Variants in SRFBP1 observed in about 807,000 individuals in gnomAD.
The protein encoded by SRFBP1 is serum response factor-binding protein 1.
A neutral mutation model predicts 45.5 loss-of-function variants in SRFBP1; 47 were observed. The observed-to-expected ratio is 1.03, with a 90% CI of 0.82 to 1.32. The LOEUF (loss-of-function observed/expected upper bound fraction) is 1.32, where lower values mean the gene tolerates loss of function less well. Among genes scored for constraint, SRFBP1 ranks in the 40% most tolerant of loss-of-function variants. SRFBP1 has a pLI of 0.00. For missense variants in SRFBP1, 621 were observed against 484.6 expected (o/e 1.28, Z -2.64); for synonymous variants, 203 against 166.3 (o/e 1.22, Z -1.70).
At chr5:121,966,460 A>G (rs975526136) in intron 1 of SRFBP1, among the ~76,000 whole-genome samples, 1 of 152,216 alleles carries the variant, frequency 6.6e-6, no homozygotes, top group Non-Finnish European at 1.5e-5. Flanking sequence ...TAATGGGCAG[A>G]TGAAAGCATG....
At chr5:122,046,753 A>T (rs916565938) in intron 2 of SRFBP1, among the ~76,000 whole-genome samples, 1 of 152,152 alleles carries the variant, frequency 6.6e-6, no homozygotes, top group Non-Finnish European at 1.5e-5. Flanking sequence ...CTGGCGTGAG[A>T]TGGTATCTCA....
At chr5:122,031,991 A>C (rs918131906), downstream of SRFBP1, among the ~76,000 whole-genome samples, 1 of 152,228 alleles carries the variant, frequency 6.6e-6, no homozygotes, top group African/African-American at 2.4e-5. Flanking sequence ...TAGTGAGTGC[A>C]TGCTAATGAG....
intron 3 of SRFBP1, among the ~76,000 whole-genome samples, chr5:121,984,407 T>G (rs1351749836): frequency 6.6e-6 from 1 of 151,774 alleles, no homozygotes; most frequent in African/African-American, 2.4e-5. Context: ...TCTTTCCTTT[T>G]GTTACTATGA....
chr5:122,024,039 T>C (rs562117095), intron 7 of SRFBP1, among the ~76,000 whole-genome samples: 1 of 152,214 alleles, frequency 6.6e-6, no homozygotes, highest in African/African-American at 2.4e-5. Flanking sequence ...TGGGCAACTT[T>C]TCTTAGACTT....
At chr5:121,963,844 A>G (rs1752003948) in intron 1 of SRFBP1, among the ~76,000 whole-genome samples, 1 of 152,120 alleles carries the variant, frequency 6.6e-6, no homozygotes, top group Non-Finnish European at 1.5e-5. Context: ...GGATATTATA[A>G]TTTAAAATTA....
rs961889524 is a variant in SRFBP1, at chr5:122,001,706, C to T, written c.270+7036C>T. Among the ~76,000 whole-genome samples the T allele has an allele frequency of 1.4e-3, 208 of 151,960 alleles. 1 individual carries two copies. Among genetic ancestry groups the T allele is most frequent in the African/African-American group, 4.2e-3 (174 of 41,480 alleles). ...CCTCCCGAGTAGCTGGGACTACAGG[C>T]GCCCGCCACCGTGCCCGGCTAATTT... On this transcript the variant is annotated intron_variant, in intron 4 of 7. Coordinates refer to ENST00000339397, the MANE Select transcript of SRFBP1 (RefSeq NM_152546.3).
At chr5:122,058,548 G>GTT (rs1320760094) in intron 2 of SRFBP1, among the ~76,000 whole-genome samples, 1 of 151,254 alleles carries the variant, frequency 6.6e-6, no homozygotes, top group Admixed American at 6.6e-5. Context: ...GTGTGTGTGT[G>GTT]TGTGTGTGTG....
chr5:121,985,327 G>A (rs1045273694), intron 3 of SRFBP1, among the ~76,000 whole-genome samples: 1 of 151,422 alleles, frequency 6.6e-6, no homozygotes, highest in Non-Finnish European at 1.5e-5. Context: ...TTTGGTGTTG[G>A]GTTTTGTTTT....
intron 1 of SRFBP1, among the ~76,000 whole-genome samples, chr5:121,967,091 C>A (rs898268005): frequency 2.6e-5 from 4 of 151,932 alleles, no homozygotes; most frequent in Non-Finnish European, 5.9e-5. Flanking sequence ...CCACGCCTGG[C>A]CTATTTTATT....
chr5:122,060,099 G>A (rs959289986), intron 2 of SRFBP1, among the ~76,000 whole-genome samples: 1 of 152,016 alleles, frequency 6.6e-6, no homozygotes, highest in Non-Finnish European at 1.5e-5. Context: ...AAGACGAGGT[G>A]GGAATGAGCA....
chr5:122,070,139 A>T, intron 2 of SRFBP1: 1 of 1,612,944 alleles, frequency 6.2e-7, no homozygotes, highest in Non-Finnish European at 8.5e-7. Flanking sequence ...AGTCAGATTC[A>T]GGAACCAGGT....
intron 4 of SRFBP1, among the ~76,000 whole-genome samples, chr5:121,998,709 T>C (rs903167510): frequency 3.3e-5 from 5 of 152,178 alleles, no homozygotes; most frequent in Admixed American, 3.3e-4. Context: ...CAAATATTTT[T>C]TATGAATATC....
At chr5:122,078,024 T>A (rs182442371), downstream of SRFBP1, 2 of 1,432,290 alleles carry the variant, frequency 1.4e-6, no homozygotes, top group Non-Finnish European at 1.8e-6. Context: ...GAGGAGGACG[T>A]GGCTCACAGA....
chr5:122,009,476 T>C (rs1284476552), intron 4 of SRFBP1, among the ~76,000 whole-genome samples: 1 of 152,250 alleles, frequency 6.6e-6, no homozygotes, highest in African/African-American at 2.4e-5. Flanking sequence ...CTATGTGTTA[T>C]ATCTGTGATC....
chr5:122,074,955 C>A (rs1168395472), intron 2 of SRFBP1, among the ~76,000 whole-genome samples: 2 of 152,198 alleles, frequency 1.3e-5, no homozygotes, highest in Non-Finnish European at 2.9e-5. Flanking sequence ...GGGCTTGATA[C>A]AGGTCTTTTA....
chr5:122,007,304 T>C (rs1752997665), intron 4 of SRFBP1, among the ~76,000 whole-genome samples: 1 of 151,906 alleles, frequency 6.6e-6, no homozygotes, highest in African/African-American at 2.4e-5. Flanking sequence ...CACTGGTGAA[T>C]GCTGAGATGG....
At chr5:122,055,899 C>T (rs1284803598) in intron 2 of SRFBP1, among the ~76,000 whole-genome samples, 1 of 152,062 alleles carries the variant, frequency 6.6e-6, no homozygotes, top group South Asian at 2.1e-4. Flanking sequence ...GGGGAACTTC[C>T]CACTAATTTT....
At chr5:122,032,737 A>T (rs961380629), downstream of SRFBP1, among the ~76,000 whole-genome samples, 3 of 152,338 alleles carry the variant, frequency 2.0e-5, no homozygotes, top group African/African-American at 7.2e-5. Flanking sequence ...CAAAGGAAAT[A>T]TATGAAAAAA....
At chr5:122,004,603 A>G (rs1752941391) in intron 4 of SRFBP1, among the ~76,000 whole-genome samples, 1 of 152,078 alleles carries the variant, frequency 6.6e-6, no homozygotes, top group South Asian at 2.1e-4. Context: ...TATATCTTCA[A>G]AAACCAACTC....
Sources: allele counts gnomAD v4.1 joint callset (sites outside exome capture counted in the v4.1 genomes callset), GRCh38; gene constraint gnomAD v4.1.1; transcripts MANE v1.5; gene names NCBI Gene and HGNC (gene_info 2026-07-23, HGNC 2026-07-21).